KIAA1217: variants seen among roughly 807,000 people sequenced by gnomAD.
KIAA1217 encodes sickle tail protein homolog.
A neutral mutation model predicts 163.9 loss-of-function variants in KIAA1217; 88 were observed. The observed-to-expected ratio is 0.54, with a 90% CI of 0.45 to 0.64. The LOEUF (loss-of-function observed/expected upper bound fraction) is 0.64, where lower values mean the gene tolerates loss of function less well. Among genes scored for constraint, KIAA1217 ranks in the 30% least tolerant of loss-of-function variants. The pLI is 0.00. For synonymous variants in KIAA1217, 903 were observed against 923.1 expected, an observed-to-expected ratio of 0.98 and a Z score of 0.39; for missense variants, 2,372 against 2,475.0, an observed-to-expected ratio of 0.96 and a Z score of 0.88.
At chr10:23,853,013 C>T (rs1424619362) in intron 1 of KIAA1217, among the ~76,000 whole-genome samples, 1 of 152,186 alleles carries the variant, frequency 6.6e-6, no homozygotes, top group Non-Finnish European at 1.5e-5. Context: ...ATTTCCTTCT[C>T]CTGCCTAATT....
chr10:23,893,179 G>T (rs1316908428), intron 1 of KIAA1217, among the ~76,000 whole-genome samples: 5 of 151,986 alleles, frequency 3.3e-5, no homozygotes, highest in Non-Finnish European at 7.4e-5. Flanking sequence ...GCCTGTTATT[G>T]GTCCATTCAG....
chr10:24,208,874 C>G (rs373020916), upstream of KIAA1217: 3 of 292,788 alleles, frequency 1.0e-5, no homozygotes, highest in African/African-American at 4.4e-5. Flanking sequence ...GCCTCCCCCC[C>G]ACACCCCCGC....
rs34540873 is a variant in KIAA1217, at chr10:24,251,856, T to TAAA, written c.354+31969_354+31971dup. 1.7e-5 allele frequency among the ~76,000 whole-genome samples: 2 copies of TAAA among 119,718 alleles called. 1 individual carries two copies. Among genetic ancestry groups the TAAA allele is most frequent in the Non-Finnish European group, 3.3e-5 (2 of 59,708 alleles). 78.5% of individuals were successfully genotyped at this position (119,718 alleles called of 152,430 possible). ...GGTCCAAGTAAGCTTCTGCATCTGT[T>TAAA]AAAAAAAAAAAAAAAAAAAAAAAAG... On this transcript the variant is annotated intron_variant, in intron 2 of 20. Transcript: ENST00000376454.
In KIAA1217 at chr10:23,934,577, A is replaced by ATGTGTGTGTGTGTGTATG. The variant is rs1302431868; in HGVS notation, c.-320-72647_-320-72646insGTGTGTGTGTGTGTATGT. 9.0e-4 allele frequency among the ~76,000 whole-genome samples: 52 copies of ATGTGTGTGTGTGTGTATG among 57,908 alleles called. 3 individuals are homozygous for ATGTGTGTGTGTGTGTATG. The African/African-American group carries it at 9.1e-3, about 10-fold the overall frequency. The allele number at this position is 57,908 out of a possible 152,430, so 38.0% of individuals were successfully genotyped here. On this transcript the variant is annotated intron_variant, in intron 1 of 18. Coordinates refer to the KIAA1217 transcript ENST00000376462. ...TTAAAGTATATATATATATATATAT[A>ATGTGTGTGTGTGTGTATG]TATATATATATATGTATATATATAT...
At chr10:24,171,956 C>G (rs1168758937) in intron 2 of KIAA1217, among the ~76,000 whole-genome samples, 3 of 152,114 alleles carry the variant, frequency 2.0e-5, no homozygotes, top group African/African-American at 7.2e-5. Flanking sequence ...TAATTTCATC[C>G]TCACAACATC....
At chr10:24,087,843 A>G (rs971062068) in intron 2 of KIAA1217, among the ~76,000 whole-genome samples, 1 of 152,154 alleles carries the variant, frequency 6.6e-6, no homozygotes, top group Non-Finnish European at 1.5e-5. Flanking sequence ...GAATGCGTAC[A>G]CTTCCTGCCT....
chr10:24,020,954 G>T (rs1847705745), intron 2 of KIAA1217, among the ~76,000 whole-genome samples: 1 of 151,978 alleles, frequency 6.6e-6, no homozygotes, highest in Admixed American at 6.6e-5. Context: ...AAAGAAACAG[G>T]AAAGTCTACC....
chr10:24,467,132 C>CTTA (rs747139975), intron 5 of KIAA1217, among the ~76,000 whole-genome samples: 30 of 152,002 alleles, frequency 2.0e-4, no homozygotes, highest in Non-Finnish European at 3.7e-4. Context: ...TTCGATTTGA[C>CTTA]TTATGGTTCT....
intron 2 of KIAA1217, among the ~76,000 whole-genome samples, chr10:24,061,129 G>T (rs1269826987): frequency 1.3e-5 from 2 of 151,872 alleles, no homozygotes; most frequent in African/African-American, 2.4e-5. Flanking sequence ...AATATGTTTT[G>T]ATTCCATTCT....
At chr10:24,445,681 T>TCATCCATGTCCCTA (rs2060868579) in intron 5 of KIAA1217, among the ~76,000 whole-genome samples, 3 of 151,976 alleles carry the variant, frequency 2.0e-5, no homozygotes, top group African/African-American at 7.3e-5. Context: ...GTTTCCAGCT[T>TCATCCATGTCCCTA]CATCCATGTC....
At chr10:24,280,939 C>G (rs1369935403) in intron 2 of KIAA1217, among the ~76,000 whole-genome samples, 3 of 152,014 alleles carry the variant, frequency 2.0e-5, no homozygotes, top group African/African-American at 7.2e-5. Flanking sequence ...AGCACAATAT[C>G]AACACATGTG....
intron 2 of KIAA1217, among the ~76,000 whole-genome samples, chr10:24,115,905 T>G (rs1290386683): frequency 6.6e-6 from 1 of 152,150 alleles, no homozygotes; most frequent in African/African-American, 2.4e-5. Flanking sequence ...TCATTCTTAT[T>G]TTTGCTGATG....
At chr10:24,178,115 G>A (rs2065995648) in intron 2 of KIAA1217, among the ~76,000 whole-genome samples, 1 of 152,278 alleles carries the variant, frequency 6.6e-6, no homozygotes, top group Admixed American at 6.5e-5. Flanking sequence ...GTGCATATAA[G>A]AGTATGTCAT....
intron 1 of KIAA1217, among the ~76,000 whole-genome samples, chr10:23,739,972 T>C (rs1051025791): frequency 1.1e-4 from 17 of 152,062 alleles, no homozygotes; most frequent in African/African-American, 4.1e-4. Context: ...GGAACCAAAA[T>C]TGAGTTGCCA....
chr10:23,889,762 G>C (rs527896705), intron 1 of KIAA1217, among the ~76,000 whole-genome samples: 1 of 151,896 alleles, frequency 6.6e-6, no homozygotes, highest in East Asian at 2.0e-4. Context: ...ACCTACGATA[G>C]AGTTGAAAGG....
At chr10:24,154,495 AATAAG>A (rs1480959961) in intron 2 of KIAA1217, among the ~76,000 whole-genome samples, 2 of 152,160 alleles carry the variant, frequency 1.3e-5, no homozygotes, top group Non-Finnish European at 2.9e-5. Context: ...GGAAGGATTA[AATAAG>A]ATAATATAAA....
At chr10:24,135,621 A>T (rs532003959) in intron 2 of KIAA1217, among the ~76,000 whole-genome samples, 1 of 152,196 alleles carries the variant, frequency 6.6e-6, no homozygotes, top group African/African-American at 2.4e-5. Flanking sequence ...GACACCTGAC[A>T]TATCGGTCCA....
At chr10:24,369,754 A>G (rs575298747) in intron 2 of KIAA1217, among the ~76,000 whole-genome samples, 1 of 152,316 alleles carries the variant, frequency 6.6e-6, no homozygotes, top group African/African-American at 2.4e-5. Flanking sequence ...CAATCCTCAC[A>G]CAGACACCTT....
intron 13 of KIAA1217, among the ~76,000 whole-genome samples, chr10:24,525,294 A>T (rs11014141): frequency 0.6 from 91,438 of 151,912 alleles, 28,105 homozygotes; most frequent in African/African-American, 0.7. Context: ...GGTCTGCCAC[A>T]CATCTAGATG....
Sources: allele counts gnomAD v4.1 joint callset (sites outside exome capture counted in the v4.1 genomes callset), GRCh38; gene constraint gnomAD v4.1.1; transcripts MANE v1.5; gene names NCBI Gene and HGNC (gene_info 2026-07-23, HGNC 2026-07-21).